The following THADA variants were observed in gnomAD, a reference collection of about 807,000 sequenced individuals.
The protein encoded by THADA is THADA armadillo repeat containing.
In THADA, 213 loss-of-function variants were observed where a neutral mutation model predicts 219.8. The ratio of observed to expected loss-of-function variants is 0.97; its 90% CI spans 0.87 to 1.09. The LOEUF is 1.09. Ranked by LOEUF, THADA falls within the 50% of genes least tolerant of loss-of-function variation. The probability of loss-of-function intolerance (pLI) is 0.00; values close to 1 mark genes in which losing one functional copy is unlikely to be tolerated. For synonymous variants in THADA, 1,018 were observed against 828.9 expected (o/e 1.23, Z -3.92); for missense variants, 2,956 against 2,311.3 (o/e 1.28, Z -5.72).
intron 29 of THADA, among the ~76,000 whole-genome samples, chr2:43,375,928 A>C (rs770526646): frequency 3.3e-4 from 50 of 152,236 alleles, no homozygotes; most frequent in Non-Finnish European, 5.1e-4. Flanking sequence ...AATTTCGTGA[A>C]ATCAGTGTCA....
In THADA at chr2:43,574,403, T is replaced by C. The variant is rs1699620561; in HGVS notation, c.1662A>G (p.Leu554=). The change falls in exon 11 of 38, where the codon TTA becomes TTG. Residue 554 remains leucine, a synonymous_variant. Transcript: ENST00000405975. ...YVIDYYLPKL[L]SYSPESLQYM... ...ACTGTAAGCTTTCAGGGCTGTAACT[T>C]AATAATTTTGGCAAGTAATAATCAA... 1 of 1,609,954 alleles carries C rather than the reference T, an allele frequency of 6.2e-7. No individual in the cohort carries two copies. The highest frequency in any genetic ancestry group is 8.5e-7 in the Non-Finnish European group (1 of 1,177,808).
At chr2:43,496,423 GTATT>G (rs1438449217) in intron 25 of THADA, among the ~76,000 whole-genome samples, 1 of 152,152 alleles carries the variant, frequency 6.6e-6, no homozygotes, top group African/African-American at 2.4e-5. Flanking sequence ...ATGCGACTCA[GTATT>G]TAACCTCTTC....
At position 43,591,947 on chromosome 2, in the gene THADA, C is replaced by T. The variant is rs915728172; in HGVS notation, c.171+5G>A. On this transcript the variant is annotated splice_donor_5th_base_variant and intron_variant, in intron 3 of 37. Transcript: ENST00000405975. ...ATGCATCCATGAATATCAATTCAGA[C>T]TTACCTGTTTAATATAATGGATTTG... The T allele has an allele frequency of 6.0e-6, 9 of 1,509,628 alleles. No homozygotes were observed. Among genetic ancestry groups the T allele is most frequent in the Admixed American group, 4.4e-5 (2 of 45,014 alleles). 93.5% of individuals were successfully genotyped at this position (1,509,628 alleles called of 1,614,324 possible). A position where few individuals can be genotyped will look rare whatever the true frequency, so the allele number is the denominator to read the frequency against.
chr2:43,310,839 A>G (rs2104436711), intron 31 of THADA, among the ~76,000 whole-genome samples: 1 of 152,386 alleles, frequency 6.6e-6, no homozygotes, highest in East Asian at 1.9e-4. Context: ...TAAGGGATTA[A>G]TATCTTGGAC....
chr2:43,377,654 T>C (rs1191921515), intron 29 of THADA, among the ~76,000 whole-genome samples: 1 of 152,172 alleles, frequency 6.6e-6, no homozygotes, highest in Non-Finnish European at 1.5e-5. Flanking sequence ...AAAAATTTGT[T>C]CCTTATGAGC....
intron 36 of THADA, among the ~76,000 whole-genome samples, chr2:43,254,337 G>GT (rs2104156872): frequency 6.6e-6 from 1 of 152,026 alleles, no homozygotes; most frequent in African/African-American, 2.4e-5. Context: ...AAGAAACCAG[G>GT]TCCTTGGGAC....
At chr2:43,283,592 G>A (rs1030338491) in intron 35 of THADA, among the ~76,000 whole-genome samples, 1 of 152,198 alleles carries the variant, frequency 6.6e-6, no homozygotes, top group African/African-American at 2.4e-5. Flanking sequence ...CTCTGCTTTA[G>A]CAAAGAGATT....
At chr2:43,418,800 G>A (rs191569510) in intron 28 of THADA, among the ~76,000 whole-genome samples, 108 of 152,200 alleles carry the variant, frequency 7.1e-4, no homozygotes, top group South Asian at 2.3e-3. Flanking sequence ...TAGAAATAAC[G>A]GCCAGAGAAG....
In THADA at chr2:43,586,909, G is replaced by C. The variant is rs1368756265; in HGVS notation, c.396C>G (p.Tyr132Ter). 3 of 1,613,768 alleles carry C rather than the reference G, an allele frequency of 1.9e-6. No individual in the cohort carries two copies. The highest frequency in any genetic ancestry group is 2.5e-6 in the Non-Finnish European group (3 of 1,179,856). The change falls in exon 5 of 38, where the codon TAC becomes TAG. Residue 132 changes from tyrosine to a stop codon, truncating the protein, a stop_gained. Transcript: ENST00000405975. LOFTEE classifies it high-confidence loss of function. The part of the protein sequence containing the change: ...LQEELNTTDL[Y>*]SYRKVTDNIS... Reference sequence around the variant, plus strand: ...TATTGTCAGTAACTTTCCTGTAAGAGTATAAGTCAGTAGTATTCAATTCTT... The same window carrying C: ...TATTGTCAGTAACTTTCCTGTAAGACTATAAGTCAGTAGTATTCAATTCTT...
intron 36 of THADA, among the ~76,000 whole-genome samples, chr2:43,275,186 T>C (rs1393845430): frequency 6.6e-6 from 1 of 151,902 alleles, no homozygotes; most frequent in Non-Finnish European, 1.5e-5. Flanking sequence ...TGTATTTTTA[T>C]TAGAAATGGG....
intron 22 of THADA, among the ~76,000 whole-genome samples, chr2:43,526,914 G>T: frequency 6.7e-6 from 1 of 149,174 alleles, no homozygotes; most frequent in East Asian, 1.9e-4. Context: ...GTTGTGTTTT[G>T]AGGGAAAAAA....
chr2:43,367,919 C>A (rs576422814), intron 29 of THADA, among the ~76,000 whole-genome samples: 1 of 152,212 alleles, frequency 6.6e-6, no homozygotes, highest in South Asian at 2.1e-4. Context: ...GAGATCGAGA[C>A]CATCCTGGCC....
At chr2:43,441,734 C>T (rs576178615) in intron 26 of THADA, among the ~76,000 whole-genome samples, 2 of 152,284 alleles carry the variant, frequency 1.3e-5, no homozygotes, top group South Asian at 4.1e-4. Context: ...CATGTAAGGT[C>T]TGTAATCTAG....
At chr2:43,582,239 G>C (rs1328199289) in intron 7 of THADA, among the ~76,000 whole-genome samples, 1 of 152,182 alleles carries the variant, frequency 6.6e-6, no homozygotes, top group Non-Finnish European at 1.5e-5. Flanking sequence ...GCTCACACTT[G>C]TAATCCCAGC....
At chr2:43,349,581 A>G (rs374756704) in intron 29 of THADA, among the ~76,000 whole-genome samples, 1 of 152,312 alleles carries the variant, frequency 6.6e-6, no homozygotes, top group South Asian at 2.1e-4. Context: ...TTCACCAAGC[A>G]TGGCTTCCAG....
At chr2:43,334,681 A>G (rs1666190363) in intron 30 of THADA, among the ~76,000 whole-genome samples, 1 of 151,970 alleles carries the variant, frequency 6.6e-6, no homozygotes, top group Non-Finnish European at 1.5e-5. Context: ...AGGCTCAGGC[A>G]GGAGAATGGC....
chr2:43,312,342 T>A (rs1221229379), intron 31 of THADA, among the ~76,000 whole-genome samples: 1 of 152,150 alleles, frequency 6.6e-6, no homozygotes, highest in Non-Finnish European at 1.5e-5. Flanking sequence ...ACTCTCACAT[T>A]ATATGAGGCC....
intron 28 of THADA, among the ~76,000 whole-genome samples, chr2:43,420,919 C>G (rs566456202): frequency 1.7e-4 from 26 of 152,168 alleles, no homozygotes; most frequent in Non-Finnish European, 2.9e-4. Flanking sequence ...AAATAAAGTG[C>G]TAGGCACAGT....
At chr2:43,375,923 C>T (rs1278679020) in intron 29 of THADA, among the ~76,000 whole-genome samples, 3 of 152,162 alleles carry the variant, frequency 2.0e-5, no homozygotes, top group Non-Finnish European at 4.4e-5. Flanking sequence ...AAGAGAATTT[C>T]GTGAAATCAG....
Sources: gnomAD v4.1 joint callset for allele counts (sites outside exome capture counted in the v4.1 genomes callset) on GRCh38, gnomAD v4.1.1 for gene constraint, MANE v1.5 for transcripts, NCBI Gene and HGNC (gene_info 2026-07-23, HGNC 2026-07-21) for gene names.